The following DCAKD variants were observed in gnomAD, a reference collection of about 807,000 sequenced individuals.
The protein encoded by DCAKD is dephospho-CoA kinase domain-containing protein.
A neutral mutation model predicts 18.7 loss-of-function variants in DCAKD; 15 were observed. The observed-to-expected ratio is 0.80, with a 90% confidence interval of 0.54 to 1.24. The LOEUF is 1.24. Among genes scored for constraint, DCAKD ranks in the 50% most tolerant of loss-of-function variants. DCAKD has a pLI of 0.00. For synonymous variants in DCAKD, 130 were observed against 133.0 expected (o/e 0.98, Z 0.16); for missense variants, 301 against 322.0 (o/e 0.93, Z 0.50).
intron 2 of DCAKD, 69 bp from the exon 3 acceptor site, chr17:45,034,459 A>C: frequency 6.4e-7 from 1 of 1,561,354 alleles, no homozygotes; most frequent in East Asian, 2.3e-5. Flanking sequence ...CTCAGTGACC[A>C]GGGGCAAAAT....
chr17:45,029,153 G>A (rs1164640552), intron 4 of DCAKD, among the ~76,000 whole-genome samples: 1 of 152,280 alleles, frequency 6.6e-6, no homozygotes, highest in South Asian at 2.1e-4. Flanking sequence ...AGAGGCTGCA[G>A]GTTTACTCAC....
intron 1 of DCAKD, among the ~76,000 whole-genome samples, chr17:45,043,428 G>C (rs888645888): frequency 3.3e-5 from 5 of 152,160 alleles, no homozygotes; most frequent in Non-Finnish European, 7.3e-5. Context: ...GTGTATGTAT[G>C]TCCGCCACTT....
intron 1 of DCAKD, among the ~76,000 whole-genome samples, chr17:45,037,263 C>T (rs1408581681): frequency 4.6e-5 from 7 of 151,824 alleles, no homozygotes; most frequent in Admixed American, 2.0e-4. Flanking sequence ...ACCAGGAGTT[C>T]GAGGCCAGCC....
chr17:45,058,714 G>A (rs538712550), intron 1 of DCAKD, among the ~76,000 whole-genome samples: 9 of 152,018 alleles, frequency 5.9e-5, no homozygotes, highest in East Asian at 5.9e-4. Context: ...AAGCCCCAGC[G>A]CCTGGCCTGG....
intron 1 of DCAKD, among the ~76,000 whole-genome samples, chr17:45,038,552 A>T (rs1390152250): frequency 6.6e-6 from 1 of 152,206 alleles, no homozygotes; most frequent in East Asian, 1.9e-4. Flanking sequence ...AGTAAGGAAG[A>T]TGAATCTGTT....
chr17:45,035,560 T>C (rs941188010), intron 1 of DCAKD, among the ~76,000 whole-genome samples: 1 of 148,888 alleles, frequency 6.7e-6, no homozygotes, highest in Non-Finnish European at 1.5e-5. Context: ...CAAGGTCAGG[T>C]GCTGTTAGGC....
chr17:45,058,756 C>CG (rs1055286687), intron 1 of DCAKD, among the ~76,000 whole-genome samples: 3 of 152,032 alleles, frequency 2.0e-5, no homozygotes, highest in African/African-American at 7.2e-5. Flanking sequence ...CTCTGACCCC[C>CG]CCCTTCCCTG....
intron 1 of DCAKD, among the ~76,000 whole-genome samples, chr17:45,039,412 T>C (rs532179157): frequency 6.6e-6 from 1 of 152,342 alleles, no homozygotes; most frequent in East Asian, 1.9e-4. Context: ...AACCTGGCTA[T>C]AATCTGAATT....
At chr17:45,045,240 G>C (rs1440294692) in intron 1 of DCAKD, among the ~76,000 whole-genome samples, 1 of 152,192 alleles carries the variant, frequency 6.6e-6, no homozygotes, top group Non-Finnish European at 1.5e-5. Flanking sequence ...GGACCTTACA[G>C]AGAAACTGTC....
chr17:45,030,157 A>T lies in DCAKD; in HGVS notation c.339T>A (p.Asp113Glu). ...TCTTGGTCTCAAACAGCAGGGGGAT[A>T]TCCAGAATCACGTAGCGGTATCCTG... ...FLRGYRYVIL[D>E]IPLLFETKKL... The change falls in exon 4 of 5, where the codon GAT becomes GAA. Residue 113 changes from aspartate to glutamate, a missense_variant. By Grantham distance (45) the Asp-to-Glu change is conservative. Coordinates refer to ENST00000651974, the MANE Select transcript of DCAKD (RefSeq NM_001288655.2). The T allele has an allele frequency of 6.2e-7, 1 of 1,614,146 alleles. No homozygotes were observed. Among genetic ancestry groups the T allele is most frequent in the Non-Finnish European group, 8.5e-7 (1 of 1,180,000 alleles).
At chr17:45,029,836 A>G (rs1328982210) in intron 4 of DCAKD, among the ~76,000 whole-genome samples, 1 of 152,004 alleles carries the variant, frequency 6.6e-6, no homozygotes, top group Non-Finnish European at 1.5e-5. Flanking sequence ...ATCTGGGCTG[A>G]AGTGCCTGCA....
intron 3 of DCAKD, chr17:45,032,169 CT>C (rs1217965886): frequency 2.1e-6 from 2 of 975,338 alleles, no homozygotes; most frequent in African/African-American, 3.5e-5. Flanking sequence ...AGGCAGATGA[CT>C]TCACTCTGGG....
intron 4 of DCAKD, among the ~76,000 whole-genome samples, chr17:45,029,712 A>G (rs1179880109): frequency 6.6e-6 from 1 of 152,168 alleles, no homozygotes; most frequent in Non-Finnish European, 1.5e-5. Flanking sequence ...TAATAGGAAT[A>G]TCAACACCTG....
intron 3 of DCAKD, chr17:45,032,246 T>C (rs1043200566): frequency 1.1e-4 from 53 of 463,978 alleles, no homozygotes; most frequent in African/African-American, 1.1e-3. Context: ...GGAGGACTCT[T>C]CTTGAGGGAG....
intron 1 of DCAKD, among the ~76,000 whole-genome samples, chr17:45,059,738 C>T (rs150810563): frequency 1.7e-3 from 260 of 152,174 alleles, no homozygotes; most frequent in African/African-American, 5.8e-3. Flanking sequence ...ATTTGTATAC[C>T]GATTTGCCAC....
At chr17:45,031,865 C>A (rs2053176062) in intron 3 of DCAKD, 1 of 985,288 alleles carries the variant, frequency 1.0e-6, no homozygotes, top group Admixed American at 6.2e-5. Context: ...TTTGATTATA[C>A]CAACTTTGAC....
At chr17:45,045,088 A>G (rs1015292566) in intron 1 of DCAKD, among the ~76,000 whole-genome samples, 4 of 152,128 alleles carry the variant, frequency 2.6e-5, no homozygotes, top group Non-Finnish European at 5.9e-5. Context: ...AGGCACCTTT[A>G]TCTAGGTATC....
rs1162279267 is a variant in DCAKD at position 45,024,601 on chromosome 17, T to C, written c.528A>G (p.Leu176=). 2 of 1,614,124 alleles carry C rather than the reference T, an allele frequency of 1.2e-6. No individual in the cohort carries two copies. Among genetic ancestry groups the C allele is most frequent in the Admixed American group, 1.7e-5 (1 of 60,028 alleles). ...TGACACTCCACTCGCCCGAGTTGTC[T>C]AGGACATGGCGGGCCATGCGGGCCT... ...TDKARMARHV[L]DNSGEWSVTK... The change falls in exon 5 of 5, where the codon CTA becomes CTG. Residue 176 remains leucine, a synonymous_variant. Coordinates refer to ENST00000651974, the MANE Select transcript of DCAKD (RefSeq NM_001288655.2).
At chr17:45,054,340 C>T (rs1280711926), upstream of DCAKD, among the ~76,000 whole-genome samples, 6 of 152,062 alleles carry the variant, frequency 3.9e-5, no homozygotes, top group Admixed American at 6.6e-5. Flanking sequence ...CTCCGCCTCC[C>T]GGGTTCAAGT....
Sources: allele counts gnomAD v4.1 joint callset (sites outside exome capture counted in the v4.1 genomes callset), GRCh38; gene constraint gnomAD v4.1.1; transcripts MANE v1.5; gene names NCBI Gene and HGNC (gene_info 2026-07-23, HGNC 2026-07-21).